The following FAF1 variants were observed in gnomAD, a reference collection of about 807,000 sequenced individuals.
FAF1 encodes the protein Fas associated factor 1, also known as FAS-associated factor 1.
A neutral mutation model predicts 92.5 loss-of-function variants in FAF1; 25 were observed. The observed-to-expected ratio is 0.27, with a 90% CI of 0.20 to 0.38. FAF1 has a LOEUF of 0.38. Ranked by LOEUF, FAF1 falls within the 10% of genes least tolerant of loss-of-function variation. FAF1 has a pLI of 1.00. For missense variants in FAF1, 636 were observed against 793.3 expected (o/e 0.80, Z 2.38); for synonymous variants, 234 against 273.2 (o/e 0.86, Z 1.42).
At position 50,618,404 on chromosome 1, in the gene FAF1, A is replaced by C. The variant is rs1227961517; in HGVS notation, c.745-22188T>G. 6.7e-5 allele frequency among the ~76,000 whole-genome samples: 9 copies of C among 134,110 alleles called. No individual in the cohort carries two copies. The East Asian group carries it at 1.9e-3, about 29-fold the overall frequency. The allele number at this position is 134,110 out of a possible 152,430, so 88.0% of individuals were successfully genotyped here. A position where few individuals can be genotyped will look rare whatever the true frequency, so the allele number is the denominator to read the frequency against. Reference sequence around the variant, plus strand: ...TTGTTTAATATCCATCTGTTTGTGTAGTTTTTAGAGTTTTTTTTTTTTTTT... The same window carrying C: ...TTGTTTAATATCCATCTGTTTGTGTCGTTTTTAGAGTTTTTTTTTTTTTTT... On this transcript the variant is annotated intron_variant, in intron 8 of 18. Transcript: ENST00000396153.
intron 2 of FAF1, among the ~76,000 whole-genome samples, chr1:50,836,845 C>T (rs999113432): frequency 1.3e-5 from 2 of 150,880 alleles, no homozygotes; most frequent in Non-Finnish European, 2.9e-5. Context: ...ATATCATTAT[C>T]AAAGTCAAAA....
chr1:50,706,590 A>G (rs1404676880), intron 6 of FAF1, among the ~76,000 whole-genome samples: 1 of 152,134 alleles, frequency 6.6e-6, no homozygotes, highest in African/African-American at 2.4e-5. Flanking sequence ...TGGAACTGTC[A>G]ATTATATCAA....
At chr1:50,688,949 T>A (rs946292732) in intron 7 of FAF1, among the ~76,000 whole-genome samples, 4 of 152,174 alleles carry the variant, frequency 2.6e-5, no homozygotes, top group Non-Finnish European at 5.9e-5. Context: ...TGATTCCACT[T>A]TATGAAGTAA....
chr1:50,894,493 T>C (rs968336324), intron 1 of FAF1, among the ~76,000 whole-genome samples: 4 of 151,908 alleles, frequency 2.6e-5, no homozygotes, highest in African/African-American at 4.8e-5. Context: ...CCTGGTGCTC[T>C]ACCCCTGTGG....
At chr1:50,473,405 G>A (rs182521168) in intron 18 of FAF1, among the ~76,000 whole-genome samples, 14 of 152,214 alleles carry the variant, frequency 9.2e-5, no homozygotes, top group South Asian at 2.1e-4. Flanking sequence ...GATGAGACCC[G>A]TTCAGAAAGG....
intron 1 of FAF1, among the ~76,000 whole-genome samples, chr1:50,949,605 T>C (rs1450593018): frequency 6.6e-6 from 1 of 152,220 alleles, no homozygotes; most frequent in African/African-American, 2.4e-5. Flanking sequence ...TACTCAACTC[T>C]GCTATTAAGG....
intron 12 of FAF1, among the ~76,000 whole-genome samples, chr1:50,575,452 G>T (rs933888078): frequency 2.6e-5 from 4 of 152,016 alleles, no homozygotes; most frequent in Non-Finnish European, 5.9e-5. Flanking sequence ...CATGTTTATA[G>T]ATTTTTTTAA....
In FAF1 at chr1:50,918,603, T is replaced by C. The variant is rs370058802; in HGVS notation, c.45+41164A>G. Among the ~76,000 whole-genome samples, 335 of 40,718 alleles carry C rather than the reference T, an allele frequency of 8.2e-3. 5 individuals are homozygous for C. Among genetic ancestry groups the C allele is most frequent in the African/African-American group, 0.031 (296 of 9,672 alleles). 26.7% of individuals were successfully genotyped at this position (40,718 alleles called of 152,430 possible). ...AATCCAGTCTATCATTGTTGGACAT[T>C]TGGGTTGGTTCCAAGTCTTTGCTAT... is the stretch of plus-strand genomic sequence containing the variant. On this transcript the variant is annotated intron_variant, in intron 1 of 18. Transcript: ENST00000396153.
At position 50,440,687 on chromosome 1, in the gene FAF1, C is replaced by T. The variant is rs889931464; in HGVS notation, c.*753G>A. On this transcript the variant is annotated 3_prime_UTR_variant, in exon 19 of 19. Coordinates refer to ENST00000396153, the MANE Select transcript of FAF1 (RefSeq NM_007051.3). ...CCAAATGCAAACCTAACAGTAGCCT[C>T]TTGCCATTGGGCCAGATACTGAAGT... 7.2e-5 allele frequency: 11 copies of T among 152,250 alleles called. No homozygotes were observed. Among genetic ancestry groups the T allele is most frequent in the Admixed American group, 5.9e-4 (9 of 15,288 alleles). The allele number at this position is 152,250 out of a possible 1,614,324, so 9.4% of individuals were successfully genotyped here.
At chr1:50,708,771 G>C (rs1657796403) in intron 6 of FAF1, among the ~76,000 whole-genome samples, 1 of 152,050 alleles carries the variant, frequency 6.6e-6, no homozygotes, top group Non-Finnish European at 1.5e-5. Flanking sequence ...TGAGAGAAGA[G>C]AAAAATCAAG....
intron 9 of FAF1, among the ~76,000 whole-genome samples, chr1:50,587,711 C>T (rs565535118): frequency 8.5e-5 from 13 of 152,230 alleles, no homozygotes; most frequent in African/African-American, 2.2e-4. Flanking sequence ...TTAAGTGCTA[C>T]GCTGTTTGGA....
At chr1:50,745,834 T>A (rs1361388205) in intron 4 of FAF1, among the ~76,000 whole-genome samples, 2 of 152,020 alleles carry the variant, frequency 1.3e-5, no homozygotes, top group African/African-American at 4.8e-5. Context: ...TAAAGACACC[T>A]GAAAATGTGG....
intron 4 of FAF1, among the ~76,000 whole-genome samples, chr1:50,745,504 T>A (rs79692441): frequency 0.02 from 3,054 of 152,232 alleles, 101 homozygotes; most frequent in African/African-American, 0.071. Context: ...GGGAGGTGAC[T>A]GGATCATAGG....
At chr1:50,585,856 T>A (rs1651201232) in intron 9 of FAF1, among the ~76,000 whole-genome samples, 3 of 139,444 alleles carry the variant, frequency 2.2e-5, no homozygotes, top group African/African-American at 8.1e-5. Flanking sequence ...AGCCTGGGCA[T>A]CATGGCCAGA....
intron 8 of FAF1, among the ~76,000 whole-genome samples, chr1:50,615,872 T>C (rs570087189): frequency 2.0e-5 from 3 of 152,208 alleles, no homozygotes; most frequent in Non-Finnish European, 4.4e-5. Context: ...GTCCTACTTG[T>C]CAATTTTTGT....
At chr1:50,796,988 T>C (rs1451238768) in intron 3 of FAF1, among the ~76,000 whole-genome samples, 1 of 152,058 alleles carries the variant, frequency 6.6e-6, no homozygotes, top group Non-Finnish European at 1.5e-5. Context: ...ATAAAAAAAT[T>C]AGCCGGGCTT....
chr1:50,917,092 T>G (rs975436180), intron 1 of FAF1, among the ~76,000 whole-genome samples: 2 of 152,176 alleles, frequency 1.3e-5, no homozygotes, highest in Non-Finnish European at 2.9e-5. Context: ...AGATGATGGC[T>G]TATGCTTGGG....
chr1:50,604,130 T>C (rs1652269252), intron 8 of FAF1, among the ~76,000 whole-genome samples: 1 of 152,148 alleles, frequency 6.6e-6, no homozygotes, highest in Non-Finnish European at 1.5e-5. Context: ...CACAAGATAC[T>C]AGATTTGGAA....
At chr1:50,678,721 A>C (rs1276690569) in intron 7 of FAF1, among the ~76,000 whole-genome samples, 4 of 134,790 alleles carry the variant, frequency 3.0e-5, no homozygotes, top group Non-Finnish European at 4.6e-5. Context: ...CAGAGGTTGC[A>C]GTGAACCGAG....
Sources: allele counts gnomAD v4.1 joint callset (sites outside exome capture counted in the v4.1 genomes callset), GRCh38; gene constraint gnomAD v4.1.1; transcripts MANE v1.5; gene names NCBI Gene and HGNC (gene_info 2026-07-23, HGNC 2026-07-21).